GNAS: variants seen among roughly 807,000 people sequenced by gnomAD.
GNAS encodes protein ALEX.
GNAS carries 8 observed loss-of-function variants against 54.5 expected under a neutral mutation model. The observed-to-expected ratio is 0.15, with a 90% CI of 0.09 to 0.26. The LOEUF is 0.26. Among genes scored for constraint, GNAS ranks in the 10% least tolerant of loss-of-function variants. The pLI is 1.00. For synonymous variants in GNAS, 204 were observed against 191.4 expected (o/e 1.07, Z -0.54); for missense variants, 170 against 529.8 (o/e 0.32, Z 6.67).
chr20:58,854,586 C>T (rs1159235307), intron 1 of GNAS: 3 of 1,553,628 alleles, frequency 1.9e-6, no homozygotes, highest in South Asian at 1.2e-5. Context: ...CCCAGCCGAT[C>T]CCGACTCCGG....
intron 1 of GNAS, among the ~76,000 whole-genome samples, chr20:58,858,594 TAGATC>T (rs1414394448): frequency 3.9e-5 from 6 of 152,204 alleles, no homozygotes; most frequent in African/African-American, 1.2e-4. Flanking sequence ...ATGGGGCTAA[TAGATC>T]AGAGTTTCTT....
At chr20:58,855,190 C>T in intron 1 of GNAS, 2 of 1,605,750 alleles carry the variant, frequency 1.2e-6, no homozygotes, top group Non-Finnish European at 1.7e-6. Context: ...GTACCCCTGG[C>T]GGAGAAGCGC....
chr20:58,871,591 G>A (rs1276570652), intron 1 of GNAS, among the ~76,000 whole-genome samples: 3 of 133,572 alleles, frequency 2.2e-5, no homozygotes, highest in South Asian at 2.3e-4. Context: ...TCCATCCTGG[G>A]CAACAAGAAT....
Position 58,841,754 on chromosome 20 carries a change from G to T in GNAS, c.43+868G>T. The T allele has an allele frequency of 8.1e-7, 1 of 1,229,376 alleles. No homozygotes were observed. The highest frequency in any genetic ancestry group is 1.0e-6 in the Non-Finnish European group (1 of 986,982). 76.2% of individuals were successfully genotyped at this position (1,229,376 alleles called of 1,614,324 possible). On this transcript the variant is annotated intron_variant, in intron 1 of 12. Transcript: ENST00000306090. The surrounding 1 kb of genome is among the most constrained non-coding windows in gnomAD (Gnocchi z 5.0). The stretch of plus-strand genomic sequence containing the variant: ...GAACGCACAGGCATGGTCACGTCGG[G>T]GTATTGCCAAGCTTTTGGCGCAGCT...
rs2089339461 is a variant in GNAS at position 58,891,628 on chromosome 20, CGCCCGCCCGGCGCTGCCCCG to C, written c.-94_-75del. On this transcript the variant is annotated 5_prime_UTR_variant, in exon 1 of 13. Coordinates refer to ENST00000371085, the MANE Select transcript of GNAS (RefSeq NM_000516.7). ...CGAGGAGCCGAGCCCGCGCCCGGCC[CGCCCGCCCGGCGCTGCCCCG>C]GCCCTCCCGGCCCGCGTGAGGCCGC... The C allele has an allele frequency of 7.2e-6, 7 of 970,852 alleles. No homozygotes were observed. Among genetic ancestry groups the C allele is most frequent in the Non-Finnish European group, 8.5e-6 (7 of 822,004 alleles). 60.1% of individuals were successfully genotyped at this position (970,852 alleles called of 1,614,324 possible).
rs767547337 is a variant in GNAS, at chr20:58,853,445, C to T, written c.43+12559C>T. ...AACCGCCTCACAACGAGCCCATCCC[C>T]GTCGAGAATGATGGCGAGGCCTGTG... On this transcript the variant is annotated intron_variant, in intron 1 of 12. Coordinates refer to the GNAS transcript ENST00000306090. The surrounding 1 kb of genome is among the most constrained non-coding windows in gnomAD (Gnocchi z 4.4). 9.3e-6 allele frequency: 15 copies of T among 1,610,030 alleles called. No homozygotes were observed. In the South Asian group the frequency reaches 9.9e-5, roughly 11 times the overall value.
At chr20:58,867,842 T>A (rs1388029327) in intron 1 of GNAS, among the ~76,000 whole-genome samples, 1 of 152,036 alleles carries the variant, frequency 6.6e-6, no homozygotes, top group Non-Finnish European at 1.5e-5. Context: ...TTCAGCTTTA[T>A]GTATGAGAAA....
At chr20:58,895,459 G>A (rs201912672) in intron 1 of GNAS, 153 bp from the exon 2 acceptor site, 5 of 684,858 alleles carry the variant, frequency 7.3e-6, no homozygotes, top group African/African-American at 1.8e-5. Context: ...TTTTCTCTGC[G>A]TCGAAATGTC....
rs1016453136 is a variant in GNAS, at chr20:58,857,508, C to G, written c.43+16622C>G. Among the ~76,000 whole-genome samples the G allele has an allele frequency of 6.6e-6, 1 of 152,172 alleles. No individual in the cohort carries two copies. The highest frequency in any genetic ancestry group is 1.5e-5 in the Non-Finnish European group (1 of 68,024). ...CATAAATGCATACAGACAGGAGACC[C>G]AAGTGACAGTGTGCACCTGACCCCT... On this transcript the variant is annotated intron_variant, in intron 1 of 12. Transcript: ENST00000306090. This position sits in a 1 kb window ranked among gnomAD's most constrained non-coding sequence, Gnocchi z 4.1.
At chr20:58,889,970 T>TGCGGCG (rs1466041416), upstream of GNAS, among the ~76,000 whole-genome samples, 3 of 151,090 alleles carry the variant, frequency 2.0e-5, no homozygotes, top group Admixed American at 2.0e-4. Flanking sequence ...CTGCCGAAGC[T>TGCGGCG]GCGGCGGCGG....
intron 1 of GNAS, among the ~76,000 whole-genome samples, chr20:58,879,459 T>C (rs2088075125): frequency 6.6e-6 from 1 of 152,218 alleles, no homozygotes; most frequent in Non-Finnish European, 1.5e-5. Flanking sequence ...GTTTTTGTCT[T>C]CTTGACACCA....
chr20:58,894,448 CAAGTA>C (rs1304356321), intron 1 of GNAS, among the ~76,000 whole-genome samples: 2 of 151,968 alleles, frequency 1.3e-5, no homozygotes, highest in African/African-American at 4.8e-5. Context: ...TGTGAAAAGG[CAAGTA>C]AAGGAGGAAT....
At chr20:58,899,961 C>T in intron 3 of GNAS, 1 of 717,580 alleles carries the variant, frequency 1.4e-6, no homozygotes, top group South Asian at 1.5e-5. Flanking sequence ...TATAATATCC[C>T]TAGATGATGG....
chr20:58,855,910 CTGT>C (rs2086478140), intron 1 of GNAS: 1 of 490,722 alleles, frequency 2.0e-6, no homozygotes, highest in Non-Finnish European at 3.6e-6. Context: ...TGGGAACGGG[CTGT>C]GTTGTGGTTT....
intron 3 of GNAS, chr20:58,903,078 G>A: frequency 3.0e-6 from 1 of 330,886 alleles, no homozygotes; most frequent in Non-Finnish European, 5.9e-6. Flanking sequence ...TGTGCTCACT[G>A]GTTCTCTCAG....
Position 58,840,914 on chromosome 20 carries a change from G to C in GNAS, c.43+28G>C. The C allele has an allele frequency of 1.9e-6, 3 of 1,609,958 alleles. No homozygotes were observed. Among genetic ancestry groups the C allele is most frequent in the Non-Finnish European group, 2.5e-6 (3 of 1,178,456 alleles). Reference sequence around the variant, plus strand: ...TAGTTGCCCACCGCTAAACTGGGGAGCCTGAGGGCGGTGTGGGAGCAGCGC... The same window carrying C: ...TAGTTGCCCACCGCTAAACTGGGGACCCTGAGGGCGGTGTGGGAGCAGCGC... On this transcript the variant is annotated intron_variant, in intron 1 of 12. Coordinates refer to the GNAS transcript ENST00000306090. This position sits in a 1 kb window ranked among gnomAD's most constrained non-coding sequence, Gnocchi z 6.0.
intron 1 of GNAS, among the ~76,000 whole-genome samples, chr20:58,885,639 T>C (rs185445829): frequency 6.6e-6 from 1 of 152,348 alleles, no homozygotes; most frequent in African/African-American, 2.4e-5. Flanking sequence ...ATGTCCTAGA[T>C]AATCACTACA....
chr20:58,840,079 G>T, upstream of GNAS: 1 of 1,608,236 alleles, frequency 6.2e-7, no homozygotes, highest in Non-Finnish European at 8.5e-7. The surrounding 1 kb of genome is among the most constrained non-coding windows in gnomAD (Gnocchi z 6.0). Context: ...CAGAGGGCAG[G>T]CCGGCTTCTC....
intron 1 of GNAS, among the ~76,000 whole-genome samples, chr20:58,843,860 G>A (rs1484575445): frequency 6.6e-6 from 1 of 152,332 alleles, no homozygotes; most frequent in Middle Eastern, 3.4e-3. Flanking sequence ...GGGTCAACCT[G>A]ATGTAGGTTT....
Sources: gnomAD v4.1 joint callset for allele counts (sites outside exome capture counted in the v4.1 genomes callset) on GRCh38, gnomAD v4.1.1 for gene constraint, Gnocchi (gnomAD v3.1) non-coding constraint, MANE v1.5 for transcripts, NCBI Gene and HGNC (gene_info 2026-07-23, HGNC 2026-07-21) for gene names.